APP: variants seen among roughly 807,000 people sequenced by gnomAD.
APP encodes the protein amyloid beta precursor protein.
A neutral mutation model predicts 101.4 loss-of-function variants in APP; 31 were observed. That is an observed-to-expected ratio of 0.31 (90% CI 0.23 to 0.41). APP has a LOEUF of 0.41. APP is among the 10% of genes least tolerant of loss of function. The pLI is 1.00. For missense variants in APP, 839 were observed against 1,003.7 expected, an observed-to-expected ratio of 0.84 and a Z score of 2.22; for synonymous variants, 366 against 364.4, an observed-to-expected ratio of 1.00 and a Z score of -0.05.
At chr21:26,067,694 T>C (rs535655527) in intron 3 of APP, among the ~76,000 whole-genome samples, 43 of 152,288 alleles carry the variant, frequency 2.8e-4, no homozygotes, top group African/African-American at 9.9e-4. Context: ...ATATCATAAA[T>C]TGTATTTATA....
At chr21:25,991,776 A>G (rs2042876432) in intron 8 of APP, among the ~76,000 whole-genome samples, 1 of 152,230 alleles carries the variant, frequency 6.6e-6, no homozygotes, top group Non-Finnish European at 1.5e-5. Context: ...TGCATAGTTA[A>G]GTAGTTATGA....
chr21:26,023,770 C>G (rs2044451877), intron 5 of APP, among the ~76,000 whole-genome samples: 1 of 152,216 alleles, frequency 6.6e-6, no homozygotes. Flanking sequence ...TCCAGAGTTT[C>G]TGAATCATGA....
intron 5 of APP, among the ~76,000 whole-genome samples, chr21:26,048,417 A>G (rs888297808): frequency 6.7e-5 from 10 of 148,696 alleles, no homozygotes; most frequent in African/African-American, 1.0e-4. Context: ...GGGCCTATAG[A>G]AAAAAAAAGG....
chr21:25,881,793 G>A (rs2037002519), intron 17 of APP, 22 bp from the exon 18 acceptor site: 1 of 1,606,482 alleles, frequency 6.2e-7, no homozygotes, highest in African/African-American at 1.3e-5. Context: ...GAGGAGAGCT[G>A]AGTAAAAAAT....
Position 25,966,748 on chromosome 21 carries a change from A to G in APP, c.1458+8322T>C, listed in dbSNP as rs1297232779. ...TGTTGGGTGAAGGGCAATTAGCGGT[A>G]TCATATAAAAGCTCAAGTTTAGTAC... On this transcript the variant is annotated intron_variant, in intron 11 of 17. Coordinates refer to ENST00000346798, the MANE Select transcript of APP (RefSeq NM_000484.4). 2.6e-5 allele frequency among the ~76,000 whole-genome samples: 4 copies of G among 152,226 alleles called. No individual in the cohort carries two copies. In the East Asian group the frequency reaches 5.8e-4, roughly 22 times the overall value.
chr21:25,966,251 T>C (rs2041793119), intron 11 of APP, among the ~76,000 whole-genome samples: 1 of 152,206 alleles, frequency 6.6e-6, no homozygotes, highest in Admixed American at 6.5e-5. Context: ...TTTATAAGAT[T>C]TTGTTCACTA....
At chr21:26,074,766 T>C (rs2061472869) in intron 3 of APP, among the ~76,000 whole-genome samples, 2 of 152,046 alleles carry the variant, frequency 1.3e-5, no homozygotes, top group African/African-American at 4.8e-5. Flanking sequence ...AAAAAAAATC[T>C]TTATCATTAG....
At chr21:25,914,549 C>CTTTTTT (rs10647133) in intron 13 of APP, among the ~76,000 whole-genome samples, 9 of 114,796 alleles carry the variant, frequency 7.8e-5, no homozygotes, top group African/African-American at 1.7e-4. Context: ...CACAAGGCGC[C>CTTTTTT]TTTTTTTTTT....
intron 11 of APP, among the ~76,000 whole-genome samples, chr21:25,973,970 A>C (rs1204036567): frequency 2.7e-5 from 4 of 150,648 alleles, no homozygotes; most frequent in Non-Finnish European, 5.9e-5. Flanking sequence ...AAAAAGAACA[A>C]GTGGACATAA....
chr21:26,153,040 G>C (rs1215258305), intron 1 of APP, among the ~76,000 whole-genome samples: 2 of 152,178 alleles, frequency 1.3e-5, no homozygotes, highest in Non-Finnish European at 2.9e-5. Context: ...AGTAATTCAG[G>C]AATTGGAAAA....
chr21:25,966,789 G>A (rs1167800022), intron 11 of APP, among the ~76,000 whole-genome samples: 1 of 152,116 alleles, frequency 6.6e-6, no homozygotes, highest in Non-Finnish European at 1.5e-5. Context: ...TTTCTTTTTT[G>A]CTTTAGAAAA....
At chr21:26,054,996 T>C (rs9974801) in intron 3 of APP, among the ~76,000 whole-genome samples, 1,902 of 152,320 alleles carry the variant, frequency 0.012, 35 homozygotes, top group African/African-American at 0.043. Flanking sequence ...GAAGTACTTA[T>C]TTCAATAAGT....
At chr21:26,111,556 G>A (rs2062324212) in intron 2 of APP, among the ~76,000 whole-genome samples, 1 of 151,750 alleles carries the variant, frequency 6.6e-6, no homozygotes, top group African/African-American at 2.4e-5. Flanking sequence ...GCCAACACAA[G>A]GAGACCCCAT....
chr21:25,952,319 A>G (rs1424582205), intron 13 of APP, among the ~76,000 whole-genome samples: 1 of 151,848 alleles, frequency 6.6e-6, no homozygotes, highest in Non-Finnish European at 1.5e-5. Flanking sequence ...ACATATGTAT[A>G]CATGTGCCAT....
At chr21:25,999,917 C>A in intron 7 of APP, 98 bp downstream of exon 7, 1 of 1,378,414 alleles carries the variant, frequency 7.3e-7, no homozygotes, top group South Asian at 1.2e-5. Flanking sequence ...TAGCAACAGG[C>A]CCATTCCCAA....
chr21:26,171,075 T>A (rs1373500230), upstream of APP: 1 of 154,850 alleles, frequency 6.5e-6, no homozygotes, highest in Non-Finnish European at 1.4e-5. Flanking sequence ...ACGCTGAGGC[T>A]CTAGAAAAGT....
chr21:25,910,442 T>C (rs1353849108), intron 14 of APP, among the ~76,000 whole-genome samples: 3 of 152,212 alleles, frequency 2.0e-5, no homozygotes, highest in Admixed American at 1.3e-4. Context: ...TAAGGTATAT[T>C]ATAAATATGA....
intron 4 of APP, among the ~76,000 whole-genome samples, chr21:26,052,650 C>T (rs1180634567): frequency 6.6e-6 from 1 of 152,070 alleles, no homozygotes; most frequent in East Asian, 1.9e-4. Context: ...GTAGGCATGG[C>T]CTGCTGAATA....
intron 6 of APP, among the ~76,000 whole-genome samples, chr21:26,016,021 C>T (rs1233519261): frequency 6.6e-6 from 1 of 152,020 alleles, no homozygotes; most frequent in Non-Finnish European, 1.5e-5. Context: ...TTTGTGGACC[C>T]CCGATCATTT....
Sources: allele counts gnomAD v4.1 joint callset (sites outside exome capture counted in the v4.1 genomes callset), GRCh38; gene constraint gnomAD v4.1.1; transcripts MANE v1.5; gene names NCBI Gene and HGNC (gene_info 2026-07-23, HGNC 2026-07-21).